The following CUL7 variants were observed in gnomAD, a reference collection of about 807,000 sequenced individuals.
CUL7 encodes cullin-7.
Under a neutral mutation model 177.7 loss-of-function variants are expected in CUL7, and 96 were observed. The observed-to-expected ratio is 0.54, with a 90% CI of 0.46 to 0.64. The LOEUF is 0.64. CUL7 is among the 30% of genes least tolerant of loss of function. The probability of loss-of-function intolerance (pLI) is 0.00; values close to 1 mark genes in which losing one functional copy is unlikely to be tolerated. For missense variants in CUL7, 1,893 were observed against 2,187.9 expected, an observed-to-expected ratio of 0.87 and a Z score of 2.69; for synonymous variants, 824 against 890.2, an observed-to-expected ratio of 0.93 and a Z score of 1.32.
chr6:43,042,375 C>T (rs544035389), intron 19 of CUL7, among the ~76,000 whole-genome samples: 1 of 151,874 alleles, frequency 6.6e-6, no homozygotes, highest in Admixed American at 6.6e-5. Context: ...AGCTCTGTCA[C>T]GCAGGCTGGA....
At chr6:43,038,129 T>C (rs1763105943) in intron 25 of CUL7, 118 bp from the exon 26 acceptor site, 2 of 1,490,890 alleles carry the variant, frequency 1.3e-6, no homozygotes, top group African/African-American at 1.4e-5. Context: ...ACGAGGTACA[T>C]CCCGACCTCA....
In CUL7 at chr6:43,046,426, G is replaced by A. The variant is rs376645691; in HGVS notation, c.2489-19C>T. The A allele has an allele frequency of 3.1e-6, 5 of 1,614,094 alleles. No homozygotes were observed. Among genetic ancestry groups the A allele is most frequent in the African/African-American group, 1.3e-5 (1 of 74,926 alleles). On this transcript the variant is annotated intron_variant, in intron 11 of 25. Transcript: ENST00000265348. ...CTGGAGCCTGGGGGCAAGTGGGAAG[G>A]GGTGGTGGTCACGGTCAGGTAGGGT...
intron 9 of CUL7, chr6:43,047,921 T>A (rs955050517): frequency 7.0e-6 from 4 of 568,906 alleles, no homozygotes; most frequent in Admixed American, 3.1e-5. Context: ...GAGATTTGGG[T>A]GAGAGCAAGA....
In CUL7 at chr6:43,050,898, T is replaced by C; in HGVS notation, c.1233+70A>G. 8 of 1,577,804 alleles carry C rather than the reference T, an allele frequency of 5.1e-6. No homozygotes were observed. The highest frequency in any genetic ancestry group is 6.9e-6 in the Non-Finnish European group (8 of 1,154,780). On this transcript the variant is annotated intron_variant, in intron 4 of 25. Transcript: ENST00000265348. This position sits in a 1 kb window ranked among gnomAD's most constrained non-coding sequence, Gnocchi z 4.1. ...TGGGTGGCCTGCTGGAGCCCCCCCA[T>C]ATAGAAGTCCCAGCTCTGCCCTACC...
At chr6:43,038,149 C>T in intron 25 of CUL7, 118 bp downstream of exon 25, 1 of 1,488,068 alleles carries the variant, frequency 6.7e-7, no homozygotes, top group African/African-American at 1.4e-5. Flanking sequence ...ACTCCTCACA[C>T]TCCTACAGGC....
Position 43,052,416 on chromosome 6 carries a change from G to A in CUL7, c.373C>T (p.Leu125=). ...GGGATAGTGCCCACACACTCCTCCA[G>A]CTGCCGAAGGGCTCTCTGAATGAGG... ...KSLIQRALRQ[L]EECVGTIPPA... The change falls in exon 2 of 26, where the codon CTG becomes TTG. Residue 125 remains leucine (L), a synonymous_variant. Transcript: ENST00000265348. This position sits in a 1 kb window ranked among gnomAD's most constrained non-coding sequence, Gnocchi z 4.5. The A allele has an allele frequency of 3.7e-6, 6 of 1,614,104 alleles. No individual in the cohort carries two copies. The highest frequency in any genetic ancestry group is 5.1e-6 in the Non-Finnish European group (6 of 1,179,930).
Position 43,050,399 on chromosome 6 carries a change from C to T in CUL7, c.1234-1G>A. ...TGCGGCCTGTTGACTCCCAAAATAC[C>T]TGGAGCATAGGGAAAGAAAGAGGGA... On this transcript the variant is annotated splice_acceptor_variant, in intron 4 of 25. Transcript: ENST00000265348. LOFTEE classifies it high-confidence loss of function. The surrounding 1 kb of genome is among the most constrained non-coding windows in gnomAD (Gnocchi z 4.1). 1 of 1,614,132 alleles carries T rather than the reference C, an allele frequency of 6.2e-7. No individual in the cohort carries two copies. Among genetic ancestry groups the T allele is most frequent in the Non-Finnish European group, 8.5e-7 (1 of 1,180,024 alleles).
chr6:43,046,419 T>A lies in CUL7; in HGVS notation c.2489-12A>T. ...TTCCACACTGGAGCCTGGGGGCAAGTGGGAAGGGGTGGTGGTCACGGTCAG... is the reference window on the plus strand; with the variant it reads ...TTCCACACTGGAGCCTGGGGGCAAGAGGGAAGGGGTGGTGGTCACGGTCAG... On this transcript the variant is annotated splice_polypyrimidine_tract_variant and intron_variant, in intron 11 of 25. Transcript: ENST00000265348. 1 of 1,613,418 alleles carries A rather than the reference T, an allele frequency of 6.2e-7. No homozygotes were observed. The highest frequency in any genetic ancestry group is 1.3e-5 in the African/African-American group (1 of 74,750).
rs201386557 is a variant in CUL7, at chr6:43,038,865, G to A, written c.4417C>T (p.Leu1473=). The change falls in exon 23 of 26, where the codon CTG becomes TTG. Residue 1473 remains leucine (L), a synonymous_variant. Coordinates refer to ENST00000265348, the MANE Select transcript of CUL7 (RefSeq NM_014780.5). The part of the protein sequence containing the change: ...LHVSTVQMWL[L]LYLNDLKAVS... ...ACCTTCAGGTCGTTGAGATACAGCA[G>A]TAGCCACATCTGCACGGTGGACACA... is the stretch of plus-strand genomic sequence containing the variant. The A allele has an allele frequency of 5.8e-5, 94 of 1,613,238 alleles. No individual in the cohort carries two copies. Among genetic ancestry groups the A allele is most frequent in the Non-Finnish European group, 1.5e-5 (18 of 1,179,898 alleles).
intron 19 of CUL7, 144 bp downstream of exon 19, chr6:43,042,658 A>AT (rs1392705908): frequency 1.5e-6 from 1 of 664,914 alleles, no homozygotes; most frequent in Non-Finnish European, 2.6e-6. Context: ...ATTTTTTTCA[A>AT]TTTTTTAAAC....
rs1079325 is a variant in CUL7, at chr6:43,047,968, G to A, written c.2169+180C>T. On this transcript the variant is annotated intron_variant, in intron 9 of 25. Coordinates refer to ENST00000265348, the MANE Select transcript of CUL7 (RefSeq NM_014780.5). The stretch of plus-strand genomic sequence containing the variant: ...ATACCTTGTTAGAGCGTTTTGATTT[G>A]TGAACCATGTGAATGTATTACCTAT... 43,634 of 601,638 alleles carry A rather than the reference G, an allele frequency of 0.073. 2,395 individuals are homozygous for A. The highest frequency in any genetic ancestry group is 0.18 in the African/African-American group (9,714 of 54,054). The allele number at this position is 601,638 out of a possible 1,614,324, so 37.3% of individuals were successfully genotyped here.
At chr6:43,048,678 T>C in intron 7 of CUL7, 109 bp from the exon 8 acceptor site, 2 of 790,820 alleles carry the variant, frequency 2.5e-6, no homozygotes, top group South Asian at 3.6e-5. Flanking sequence ...AAAAAATGTT[T>C]TAAATTTTTT....
At chr6:43,039,155 G>A (rs1338777870) in intron 22 of CUL7, among the ~76,000 whole-genome samples, 168 bp from the exon 23 acceptor site, 2 of 152,182 alleles carry the variant, frequency 1.3e-5, no homozygotes, top group Non-Finnish European at 1.5e-5. Flanking sequence ...AGCCTTCTCT[G>A]GGCCTGCCTC....
Position 43,050,052 on chromosome 6 carries a change from A to C in CUL7, c.1480T>G (p.Trp494Gly), listed in dbSNP as rs1444963091. Residue 494 changes from tryptophan (W) to glycine (G), a missense_variant, in exon 6 of 26, where the codon TGG (tryptophan) becomes GGG (glycine). By Grantham distance (184) the Trp-to-Gly change is radical. Around this residue, in one of 5 missense-constraint regions of CUL7, gnomAD observed 653 missense variants for 725.2 expected, o/e 0.90. Transcript: ENST00000265348. This position sits in a 1 kb window ranked among gnomAD's most constrained non-coding sequence, Gnocchi z 4.1. ...TTGATGAAGAAGAGGAGTTCCCACC[A>C]CTCAGCCAGGGTCAGGTGTTCACAC... ...EECEHLTLAEWWELLFFIKKL... is the reference protein window; with the variant it reads ...EECEHLTLAEGWELLFFIKKL... 6.2e-7 allele frequency: 1 copy of C among 1,613,672 alleles called. No homozygotes were observed. Among genetic ancestry groups the C allele is most frequent in the African/African-American group, 1.3e-5 (1 of 74,758 alleles).
rs201750373 is a variant in CUL7, at chr6:43,051,019, G to A, written c.1182C>T (p.Ala394=). 2.5e-5 allele frequency: 41 copies of A among 1,613,864 alleles called. No individual in the cohort carries two copies. The highest frequency in any genetic ancestry group is 4.5e-5 in the East Asian group (2 of 44,886). The change falls in exon 4 of 26, where the codon GCC becomes GCT. Residue 394 remains alanine (A), a synonymous_variant. Transcript: ENST00000265348. This position sits in a 1 kb window ranked among gnomAD's most constrained non-coding sequence, Gnocchi z 5.0. The part of the protein sequence containing the change: ...RMLDDYEEIS[A]GDEGEFRQSN... ...TCTGCCGAAACTCGCCCTCATCCCC[G>A]GCACTGATCTCCTCATAATCATCCA...
In CUL7 at chr6:43,051,691, C is replaced by G. The variant is rs146982590; in HGVS notation, c.653G>C (p.Arg218Pro). The change falls in exon 3 of 26, where the codon CGC (arginine) becomes CCC (proline). Residue 218 changes from arginine to proline, a missense_variant. By Grantham distance (103) the Arg-to-Pro change is moderately radical. Around this residue, in one of 5 missense-constraint regions of CUL7, gnomAD observed 653 missense variants for 725.2 expected, o/e 0.90. Coordinates refer to ENST00000265348, the MANE Select transcript of CUL7 (RefSeq NM_014780.5). The surrounding 1 kb of genome is among the most constrained non-coding windows in gnomAD (Gnocchi z 5.0). ...AIEKHLDFDS[R>P]CALLALFAQA... ...TGCAAACAGTGCTAGCAGAGCACAG[C>G]GGCTGTCAAAATCCAGGTGTTTCTC... 1 of 1,614,132 alleles carries G rather than the reference C, an allele frequency of 6.2e-7. No homozygotes were observed. Among genetic ancestry groups the G allele is most frequent in the Non-Finnish European group, 8.5e-7 (1 of 1,180,026 alleles).
At position 43,053,636 on chromosome 6, in the gene CUL7, G is replaced by A. The variant is rs960106856; in HGVS notation, c.-23C>T. The A allele has an allele frequency of 6.5e-6, 9 of 1,375,196 alleles. 1 individual carries two copies. Among genetic ancestry groups the A allele is most frequent in the Non-Finnish European group, 8.4e-6 (9 of 1,069,076 alleles). 85.2% of individuals were successfully genotyped at this position (1,375,196 alleles called of 1,614,324 possible). The stretch of plus-strand genomic sequence containing the variant: ...GCTCTGGCCACCTCAGAAGTCCACC[G>A]GGGTCCTGGCGCGAGGCCTGTCCTT... On this transcript the variant is annotated 5_prime_UTR_variant, in exon 1 of 26. Coordinates refer to ENST00000265348, the MANE Select transcript of CUL7 (RefSeq NM_014780.5). This position sits in a 1 kb window ranked among gnomAD's most constrained non-coding sequence, Gnocchi z 4.1.
At position 43,053,730 on chromosome 6, in the gene CUL7, C is replaced by T; in HGVS notation, c.-117G>A. The T allele has an allele frequency of 6.8e-7, 1 of 1,469,526 alleles. No individual in the cohort carries two copies. Among genetic ancestry groups the T allele is most frequent in the Non-Finnish European group, 9.0e-7 (1 of 1,113,008 alleles). The allele number at this position is 1,469,526 out of a possible 1,614,324, so 91.0% of individuals were successfully genotyped here. A position where few individuals can be genotyped will look rare whatever the true frequency, so the allele number is the denominator to read the frequency against. On this transcript the variant is annotated 5_prime_UTR_variant, in exon 1 of 26. Coordinates refer to ENST00000265348, the MANE Select transcript of CUL7 (RefSeq NM_014780.5). The surrounding 1 kb of genome is among the most constrained non-coding windows in gnomAD (Gnocchi z 4.1). ...CCCCACCTGGGCCCCGCGAGGGGGT[C>T]GAGACGGAGAGACGGGAGGGGGCGT...
At position 43,053,785 on chromosome 6, in the gene CUL7, G is replaced by C. The variant is rs1764679672; in HGVS notation, c.-172C>G. ...CCGCGGAACAGAGCTGCACCCGCGT[G>C]AGTCGGCAGCCACTGGGGCAGGGTG... On this transcript the variant is annotated 5_prime_UTR_variant, in exon 1 of 26. Transcript: ENST00000265348. The surrounding 1 kb of genome is among the most constrained non-coding windows in gnomAD (Gnocchi z 4.1). 3.3e-6 allele frequency: 5 copies of C among 1,531,828 alleles called. No homozygotes were observed. The South Asian group carries it at 6.0e-5, about 18-fold the overall frequency. The allele number at this position is 1,531,828 out of a possible 1,614,324, so 94.9% of individuals were successfully genotyped here.
Sources: gnomAD v4.1 joint callset for allele counts (sites outside exome capture counted in the v4.1 genomes callset) on GRCh38, gnomAD v4.1.1 for gene constraint, gnomAD v4.1.1 regional missense constraint, Gnocchi (gnomAD v3.1) non-coding constraint, MANE v1.5 for transcripts, NCBI Gene and HGNC (gene_info 2026-07-23, HGNC 2026-07-21) for gene names.